NCMAP: variants seen among roughly 807,000 people sequenced by gnomAD.
NCMAP encodes noncompact myelin-associated protein.
NCMAP carries 8 observed loss-of-function variants against 7.8 expected under a neutral mutation model. That is an observed-to-expected ratio of 1.02 (90% CI 0.60 to 1.84). The LOEUF is 1.84. Ranked by LOEUF, NCMAP falls within the 40% of genes most tolerant of loss-of-function variation. NCMAP has a pLI of 0.00. For synonymous variants in NCMAP, 41 were observed against 52.9 expected, an observed-to-expected ratio of 0.78 and a Z score of 0.98; for missense variants, 112 against 131.4, an observed-to-expected ratio of 0.85 and a Z score of 0.72.
chr1:24,562,447 A>G (rs1651080466), intron 1 of NCMAP, among the ~76,000 whole-genome samples: 1 of 151,994 alleles, frequency 6.6e-6, no homozygotes, highest in African/African-American at 2.4e-5. Context: ...GTTTGTTGTC[A>G]GACTGTAACC....
At position 24,606,217 on chromosome 1, in the gene NCMAP, A is replaced by G. The variant is rs1389957588; in HGVS notation, c.*470A>G. The stretch of plus-strand genomic sequence containing the variant: ...GGCACAGGGGAACTAACTTGGACTA[A>G]CTAACCAGAAAACCTTGTTAACGTA... On this transcript the variant is annotated 3_prime_UTR_variant, in exon 4 of 4. Transcript: ENST00000374392. 6.5e-6 allele frequency: 1 copy of G among 154,070 alleles called. No homozygotes were observed. The highest frequency in any genetic ancestry group is 1.4e-5 in the Non-Finnish European group (1 of 69,364). The allele number at this position is 154,070 out of a possible 1,614,324, so 9.5% of individuals were successfully genotyped here.
intron 1 of NCMAP, among the ~76,000 whole-genome samples, chr1:24,593,334 G>GT (rs1049752409): frequency 1.8e-4 from 27 of 151,512 alleles, no homozygotes; most frequent in African/African-American, 5.1e-4. Flanking sequence ...AAAAAAAAGA[G>GT]TTTTTTTAAT....
rs1652739289 is a variant in NCMAP at position 24,606,564 on chromosome 1, A to C, written c.*817A>C. ...TCTGAGCACGCTGACTGTCCTGTTA[A>C]TGCCTTCCCTCCAAGGACCAGTATT... is the stretch of plus-strand genomic sequence containing the variant. On this transcript the variant is annotated 3_prime_UTR_variant, in exon 4 of 4. Coordinates refer to ENST00000374392, the MANE Select transcript of NCMAP (RefSeq NM_001010980.5). 6.6e-6 allele frequency: 1 copy of C among 152,660 alleles called. No homozygotes were observed. Among genetic ancestry groups the C allele is most frequent in the Admixed American group, 6.6e-5 (1 of 15,266 alleles). 9.5% of individuals were successfully genotyped at this position (152,660 alleles called of 1,614,324 possible).
At chr1:24,578,716 C>T (rs968674593) in intron 1 of NCMAP, among the ~76,000 whole-genome samples, 1 of 151,862 alleles carries the variant, frequency 6.6e-6, no homozygotes, top group Non-Finnish European at 1.5e-5. Context: ...GCACATGCTA[C>T]CATGCCCAGC....
chr1:24,605,650 C>T lies in NCMAP; in HGVS notation c.212C>T (p.Pro71Leu). ...RRELEPKGPK[P>L]TAPSAVGPNS... ...GAACTAGAGCCCAAGGGCCCCAAGCCAACCGCCCCTTCTGCCGTGGGCCCA... is the reference window on the plus strand; with the variant it reads ...GAACTAGAGCCCAAGGGCCCCAAGCTAACCGCCCCTTCTGCCGTGGGCCCA... The change falls in exon 4 of 4, where the codon CCA becomes CTA. Residue 71 changes from proline (P) to leucine (L), a missense_variant. Pro to Leu is a moderately conservative substitution (Grantham distance 98). Coordinates refer to ENST00000374392, the MANE Select transcript of NCMAP (RefSeq NM_001010980.5). The T allele has an allele frequency of 6.2e-7, 1 of 1,614,216 alleles. No homozygotes were observed. Among genetic ancestry groups the T allele is most frequent in the Non-Finnish European group, 8.5e-7 (1 of 1,180,042 alleles).
intron 3 of NCMAP, among the ~76,000 whole-genome samples, chr1:24,604,810 C>T (rs1652663906): frequency 6.7e-6 from 1 of 150,268 alleles, no homozygotes; most frequent in Non-Finnish European, 1.5e-5. Flanking sequence ...GAAACCCCAT[C>T]TACACTAAAA....
chr1:24,605,019 G>A (rs1033596700), intron 3 of NCMAP, among the ~76,000 whole-genome samples: 1 of 151,938 alleles, frequency 6.6e-6, no homozygotes, highest in Non-Finnish European at 1.5e-5. Flanking sequence ...CGGAGGCTGA[G>A]GCAGGAGAAT....
intron 1 of NCMAP, among the ~76,000 whole-genome samples, chr1:24,577,401 G>GTTTTTTTTTTTTTTTTTT (rs71577720): frequency 4.0e-4 from 16 of 39,964 alleles, no homozygotes; most frequent in Non-Finnish European, 5.8e-4. Flanking sequence ...CACTGGCCTT[G>GTTTTTTTTTTTTTTTTTT]TTTTTTTTTT....
rs1298960870 is a variant in NCMAP, at chr1:24,567,669, G to A, written c.-8+11500G>A. The stretch of plus-strand genomic sequence containing the variant: ...AACAGGCATGGAGGCTAAGTTGTGA[G>A]CCCAAGGGGACATAACTAAGCCGGA... On this transcript the variant is annotated intron_variant, in intron 1 of 3. Transcript: ENST00000374392. Among the ~76,000 whole-genome samples the A allele has an allele frequency of 2.6e-5, 4 of 152,190 alleles. No homozygotes were observed. The East Asian group carries it at 7.7e-4, about 29-fold the overall frequency.
intron 1 of NCMAP, among the ~76,000 whole-genome samples, chr1:24,582,186 C>G (rs1218610859): frequency 6.6e-6 from 1 of 152,172 alleles, no homozygotes; most frequent in African/African-American, 2.4e-5. Flanking sequence ...TCGGATCCAC[C>G]TCAGTGCCTC....
chr1:24,605,480 A>G (rs1194687256), intron 3 of NCMAP, 126 bp from the exon 4 acceptor site: 1 of 1,117,856 alleles, frequency 8.9e-7, no homozygotes, highest in Admixed American at 2.8e-5. Context: ...GGTGGCAAGT[A>G]AGCAATGTGA....
chr1:24,573,969 A>AAAAAAAAAAAAAAAAAC (rs1274825221), intron 1 of NCMAP, among the ~76,000 whole-genome samples: 2 of 136,864 alleles, frequency 1.5e-5, no homozygotes, highest in African/African-American at 2.9e-5. Flanking sequence ...AAAAAAAAAA[A>AAAAAAAAAAAAAAAAAC]AACAGAAAAA....
intron 1 of NCMAP, among the ~76,000 whole-genome samples, chr1:24,572,923 C>A (rs536254230): frequency 6.6e-6 from 1 of 150,856 alleles, no homozygotes; most frequent in Admixed American, 6.6e-5. Context: ...TCTCTCTGAG[C>A]CTCAGTGACC....
chr1:24,588,730 C>T (rs939287855), intron 1 of NCMAP, among the ~76,000 whole-genome samples: 1 of 152,154 alleles, frequency 6.6e-6, no homozygotes, highest in African/African-American at 2.4e-5. Flanking sequence ...AACAACAGTC[C>T]CTTGTAGATT....
rs563187856 is a variant in NCMAP, at chr1:24,600,551, T to G, written c.83-389T>G. Among the ~76,000 whole-genome samples, 78 of 152,316 alleles carry G rather than the reference T, an allele frequency of 5.1e-4. No homozygotes were observed. The South Asian group carries it at 0.015, about 30-fold the overall frequency. ...GCCAGTGAGTTCTTCAACGACCCCC[T>G]CTTTTTTGCACATATTTATATTTTC... is the stretch of plus-strand genomic sequence containing the variant. On this transcript the variant is annotated intron_variant, in intron 2 of 3. Transcript: ENST00000374392.
At chr1:24,584,829 G>T (rs115580891) in intron 1 of NCMAP, among the ~76,000 whole-genome samples, 2 of 152,008 alleles carry the variant, frequency 1.3e-5, no homozygotes, top group South Asian at 4.2e-4. Flanking sequence ...ATTTATTTAT[G>T]TATTGTTCTT....
intron 1 of NCMAP, among the ~76,000 whole-genome samples, chr1:24,581,353 G>A (rs148143397): frequency 8.7e-4 from 133 of 152,276 alleles, no homozygotes; most frequent in African/African-American, 3.0e-3. Context: ...CTGGCCTCAA[G>A]TAATCCACCT....
chr1:24,569,283 C>CGCGCCCGGCCAACGGGACTG (rs1557593840), intron 1 of NCMAP, among the ~76,000 whole-genome samples: 29 of 151,262 alleles, frequency 1.9e-4, no homozygotes, highest in African/African-American at 7.1e-4. Context: ...CATGAGCCAC[C>CGCGCCCGGCCAACGGGACTG]ATGTCCAGTC....
chr1:24,583,442 G>A (rs1166458974), intron 1 of NCMAP, among the ~76,000 whole-genome samples: 2 of 152,104 alleles, frequency 1.3e-5, no homozygotes, highest in South Asian at 2.1e-4. Flanking sequence ...TGCCAGGCAC[G>A]GTGGCTCATG....
Sources: allele counts gnomAD v4.1 joint callset (sites outside exome capture counted in the v4.1 genomes callset), GRCh38; gene constraint gnomAD v4.1.1; transcripts MANE v1.5; gene names NCBI Gene and HGNC (gene_info 2026-07-23, HGNC 2026-07-21).